WDFY2: variants seen among roughly 807,000 people sequenced by gnomAD.
WDFY2 encodes the protein WD repeat and FYVE domain-containing protein 2.
In WDFY2, 36 loss-of-function variants were observed where a neutral mutation model predicts 56.4. That is an observed-to-expected ratio of 0.64 (90% confidence interval 0.49 to 0.84). The LOEUF (loss-of-function observed/expected upper bound fraction) is 0.84, where lower values mean the gene tolerates loss of function less well. Ranked by LOEUF, WDFY2 falls within the 40% of genes least tolerant of loss-of-function variation. The pLI, the probability that WDFY2 is intolerant of heterozygous loss-of-function variation, is 0.00. For missense variants in WDFY2, 444 were observed against 512.2 expected (o/e 0.87, Z 1.29); for synonymous variants, 176 against 183.7 (o/e 0.96, Z 0.34).
intron 2 of WDFY2, among the ~76,000 whole-genome samples, chr13:51,665,086 G>A (rs1160700957): frequency 6.6e-6 from 1 of 152,100 alleles, no homozygotes; most frequent in Non-Finnish European, 1.5e-5. Context: ...CAGGCATAAT[G>A]GGGACATGGT....
intron 1 of WDFY2, among the ~76,000 whole-genome samples, chr13:51,644,022 G>A (rs1386041986): frequency 1.3e-5 from 2 of 152,134 alleles, no homozygotes; most frequent in Non-Finnish European, 2.9e-5. Flanking sequence ...CCTGTGCAAG[G>A]TACAGTGGGA....
chr13:51,727,221 G>A (rs982207056), intron 5 of WDFY2, among the ~76,000 whole-genome samples: 1 of 151,904 alleles, frequency 6.6e-6, no homozygotes, highest in Admixed American at 6.6e-5. Context: ...TTTATTTCTC[G>A]ACTTTGTATT....
At chr13:51,588,046 C>T (rs891279086) in intron 1 of WDFY2, 2 of 152,232 alleles carry the variant, frequency 1.3e-5, no homozygotes, top group African/African-American at 2.4e-5. Flanking sequence ...TCTGGTGCTA[C>T]CATAATACAG....
intron 5 of WDFY2, among the ~76,000 whole-genome samples, chr13:51,723,934 A>G (rs1373298013): frequency 6.6e-6 from 1 of 152,216 alleles, no homozygotes; most frequent in Non-Finnish European, 1.5e-5. Context: ...CTCATTAGCT[A>G]GGGCTATTTG....
At chr13:51,642,259 GATTT>G (rs1955181433) in intron 1 of WDFY2, among the ~76,000 whole-genome samples, 1 of 151,814 alleles carries the variant, frequency 6.6e-6, no homozygotes, top group African/African-American at 2.4e-5. Flanking sequence ...TAGCTAATTT[GATTT>G]ATTTGACCCT....
intron 1 of WDFY2, among the ~76,000 whole-genome samples, chr13:51,635,275 T>C (rs1224348230): frequency 1.3e-5 from 2 of 151,958 alleles, no homozygotes; most frequent in Non-Finnish European, 1.5e-5. Context: ...ATGGCAAGAG[T>C]TGAGAGAGAA....
rs1953774960 is a variant in WDFY2, at chr13:51,767,123, G to C, written c.*7354G>C. On this transcript the variant is annotated 3_prime_UTR_variant, in exon 12 of 12. Transcript: ENST00000298125. ...CCAGGGAAAGCCTCATTTAAAACTT[G>C]TGAGGTTCATTTTATGGAGAAGAAA... The C allele has an allele frequency of 3.9e-5, 6 of 152,262 alleles. No homozygotes were observed. Among genetic ancestry groups the C allele is most frequent in the Admixed American group, 3.9e-4 (6 of 15,290 alleles). The allele number at this position is 152,262 out of a possible 1,614,324, so 9.4% of individuals were successfully genotyped here.
At chr13:51,741,752 A>G (rs1041382143) in intron 7 of WDFY2, among the ~76,000 whole-genome samples, 1 of 152,232 alleles carries the variant, frequency 6.6e-6, no homozygotes. Flanking sequence ...CATTTTTAGA[A>G]GAGAATATTG....
chr13:51,686,320 AG>A (rs1327309670), intron 3 of WDFY2, among the ~76,000 whole-genome samples: 2 of 152,124 alleles, frequency 1.3e-5, no homozygotes, highest in African/African-American at 4.8e-5. Flanking sequence ...GGTACCTTAA[AG>A]GTCTTGGCAC....
chr13:51,696,499 A>C (rs1951879281), intron 3 of WDFY2, among the ~76,000 whole-genome samples: 1 of 152,246 alleles, frequency 6.6e-6, no homozygotes, highest in South Asian at 2.1e-4. Context: ...AAAGGAATAA[A>C]ACAGGGTTGG....
chr13:51,713,489 G>A (rs1952270791), intron 4 of WDFY2, among the ~76,000 whole-genome samples: 1 of 152,194 alleles, frequency 6.6e-6, no homozygotes, highest in Non-Finnish European at 1.5e-5. Flanking sequence ...TATACATACA[G>A]TGGAATATTA....
intron 1 of WDFY2, among the ~76,000 whole-genome samples, chr13:51,611,830 C>T (rs967967810): frequency 6.6e-6 from 1 of 152,174 alleles, no homozygotes; most frequent in Non-Finnish European, 1.5e-5. Context: ...AGTTCACTCC[C>T]TTCTGGGAAG....
chr13:51,755,491 A>C, intron 9 of WDFY2, 32 bp downstream of exon 9: 1 of 1,594,258 alleles, frequency 6.3e-7, no homozygotes. Context: ...TCAAAATGTA[A>C]TTATATGGAA....
chr13:51,670,639 C>T (rs764337533), intron 2 of WDFY2, among the ~76,000 whole-genome samples: 5 of 152,134 alleles, frequency 3.3e-5, no homozygotes, highest in Non-Finnish European at 5.9e-5. Flanking sequence ...CTCCCCTTTC[C>T]AGAACATCCT....
At chr13:51,698,831 A>C (rs1291166682) in intron 3 of WDFY2, among the ~76,000 whole-genome samples, 1 of 152,218 alleles carries the variant, frequency 6.6e-6, no homozygotes, top group African/African-American at 2.4e-5. Flanking sequence ...AAAACATTTC[A>C]GTACTACGAA....
Position 51,661,770 on chromosome 13 carries a change from A to G in WDFY2, c.205+1107A>G, listed in dbSNP as rs374612843. On this transcript the variant is annotated intron_variant, in intron 2 of 11. Transcript: ENST00000298125. ...ATAACCAAGCTGAACAAAGTATTCA[A>G]CGCTTTTTTTGGGAAGAAGAAACTT... Among the ~76,000 whole-genome samples the G allele has an allele frequency of 2.0e-5, 3 of 152,176 alleles. No homozygotes were observed. In the East Asian group the frequency reaches 5.8e-4, roughly 29 times the overall value.
chr13:51,723,990 T>TA lies in WDFY2; in HGVS notation c.486-3687dup, dbSNP rs1197958224. 2.0e-5 allele frequency among the ~76,000 whole-genome samples: 3 copies of TA among 152,292 alleles called. No individual in the cohort carries two copies. In the East Asian group the frequency reaches 5.8e-4, roughly 29 times the overall value. ...TTATAGGAAAAGCAAGATAAATTCT[T>TA]ATATCTGTCTTTTTAGTTCCTAATT... On this transcript the variant is annotated intron_variant, in intron 5 of 11. Transcript: ENST00000298125.
intron 1 of WDFY2, among the ~76,000 whole-genome samples, chr13:51,636,885 A>G (rs914986725): frequency 6.6e-6 from 1 of 152,208 alleles, no homozygotes; most frequent in Non-Finnish European, 1.5e-5. Context: ...AATTGGGTAC[A>G]CACATGTGAA....
chr13:51,698,148 T>C (rs1951914775), intron 3 of WDFY2, among the ~76,000 whole-genome samples: 1 of 152,228 alleles, frequency 6.6e-6, no homozygotes, highest in South Asian at 2.1e-4. Flanking sequence ...TTGGTTCCAG[T>C]GCCCAAGCTC....
Sources: allele counts gnomAD v4.1 joint callset (sites outside exome capture counted in the v4.1 genomes callset), GRCh38; gene constraint gnomAD v4.1.1; transcripts MANE v1.5; gene names NCBI Gene and HGNC (gene_info 2026-07-23, HGNC 2026-07-21).